The following TTC16 variants were observed in gnomAD, a reference collection of about 807,000 sequenced individuals.
TTC16 encodes tetratricopeptide repeat protein 16.
Under a neutral mutation model 80.4 loss-of-function variants are expected in TTC16, and 66 were observed. That is an observed-to-expected ratio of 0.82 (90% CI 0.67 to 1.01). TTC16 has a LOEUF of 1.01. Among genes scored for constraint, TTC16 ranks in the 50% least tolerant of loss-of-function variants. The pLI, the probability that TTC16 is intolerant of heterozygous loss-of-function variation, is 0.00. For synonymous variants in TTC16, 438 were observed against 451.3 expected (o/e 0.97, Z 0.37); for missense variants, 1,070 against 1,103.2 (o/e 0.97, Z 0.43).
rs754658863 is a variant in TTC16 at position 127,727,132 on chromosome 9, G to A, written c.1568+20G>A. On this transcript the variant is annotated intron_variant, in intron 11 of 13. Transcript: ENST00000373289. ...TGTGGGGTAAGCCCTGGAGCAAGGGGCACAGGCCAGGGCTGGGGAATGGCT... is the reference window on the plus strand; with the variant it reads ...TGTGGGGTAAGCCCTGGAGCAAGGGACACAGGCCAGGGCTGGGGAATGGCT... The A allele has an allele frequency of 1.4e-4, 218 of 1,572,858 alleles. No homozygotes were observed. Among genetic ancestry groups the A allele is most frequent in the Non-Finnish European group, 1.8e-4 (212 of 1,158,222 alleles).
Position 127,716,917 on chromosome 9 carries a change from T to C in TTC16, c.92T>C (p.Ile31Thr). ...KPWVIPAPKGILQHIFGTSHV... is the reference protein window; with the variant it reads ...KPWVIPAPKGTLQHIFGTSHV... ...TGGGTGATTCCAGCCCCCAAAGGGA[T>C]CCTGCAGCACATCTTTGGGACCAGC... The change falls in exon 2 of 14, where the codon ATC (isoleucine) becomes ACC (threonine). Residue 31 changes from isoleucine to threonine, a missense_variant. By Grantham distance (89) the Ile-to-Thr change is moderately conservative. Coordinates refer to ENST00000373289, the MANE Select transcript of TTC16 (RefSeq NM_144965.3). 1 of 1,614,018 alleles carries C rather than the reference T, an allele frequency of 6.2e-7. No homozygotes were observed. The highest frequency in any genetic ancestry group is 1.1e-5 in the South Asian group (1 of 91,070).
intron 9 of TTC16, among the ~76,000 whole-genome samples, chr9:127,725,621 A>G (rs1283673762): frequency 7.0e-6 from 1 of 142,872 alleles, no homozygotes; most frequent in Non-Finnish European, 1.5e-5. Context: ...TTTTTTTTAG[A>G]TGGAGTCTCA....
At position 127,727,280 on chromosome 9, in the gene TTC16, C is replaced by T. The variant is rs570570464; in HGVS notation, c.1579C>T (p.Arg527Trp). 21 of 1,562,990 alleles carry T rather than the reference C, an allele frequency of 1.3e-5. No homozygotes were observed. The highest frequency in any genetic ancestry group is 1.2e-4 in the South Asian group (10 of 85,268). Residue 527 changes from arginine to tryptophan, a missense_variant, in exon 12 of 14, where the codon CGG (arginine) becomes TGG (tryptophan). Transcript: ENST00000373289. Reference protein sequence around the residue: ...SPQGIVGMLKRHELERQKALA... With the variant: ...SPQGIVGMLKWHELERQKALA... ...GGTATCGTTTGGCAGGATGCTTAAACGGCACGAGTTGGAGCGCCAGAAGGC... is the reference window on the plus strand; with the variant it reads ...GGTATCGTTTGGCAGGATGCTTAAATGGCACGAGTTGGAGCGCCAGAAGGC...
In TTC16 at chr9:127,726,517, G is replaced by C. The variant is rs1034104189; in HGVS notation, c.1425+113G>C. On this transcript the variant is annotated intron_variant, in intron 10 of 13. Transcript: ENST00000373289. ...GATAACAATCATAAGGCCAGGCATG[G>C]TGGGTCATGCCTGTAATCCCAGCAC... 5 of 1,234,046 alleles carry C rather than the reference G, an allele frequency of 4.1e-6. No homozygotes were observed. The Admixed American group carries it at 1.2e-4, about 30-fold the overall frequency. 76.4% of individuals were successfully genotyped at this position (1,234,046 alleles called of 1,614,324 possible).
Position 127,722,622 on chromosome 9 carries a change from T to C in TTC16, c.658-497T>C, listed in dbSNP as rs1163342112. On this transcript the variant is annotated intron_variant, in intron 6 of 13. Transcript: ENST00000373289. This position sits in a 1 kb window ranked among gnomAD's most constrained non-coding sequence, Gnocchi z 4.2. ...GGAAAGGGCCAGCTGGCATGGGGCC[T>C]GGGATGGAATTTCTCCACGATGCTC... Among the ~76,000 whole-genome samples the C allele has an allele frequency of 6.6e-6, 1 of 152,110 alleles. No homozygotes were observed. The highest frequency in any genetic ancestry group is 1.5e-5 in the Non-Finnish European group (1 of 68,022).
chr9:127,729,046 C>T (rs1844188347), intron 12 of TTC16: 1 of 153,504 alleles, frequency 6.5e-6, no homozygotes, highest in Non-Finnish European at 1.4e-5. Context: ...TAGGTAGGGT[C>T]TGGCTGTGGC....
rs549895724 is a variant in TTC16 at position 127,730,844 on chromosome 9, C to T, written c.2061C>T (p.Pro687=). 1 of 1,613,650 alleles carries T rather than the reference C, an allele frequency of 6.2e-7. No homozygotes were observed. The change falls in exon 14 of 14, where the codon CCC becomes CCT. Residue 687 remains proline, a synonymous_variant. Coordinates refer to ENST00000373289, the MANE Select transcript of TTC16 (RefSeq NM_144965.3). ...GQRQSLSKTE[P]TQSQRRNSSK... is the part of the protein sequence containing the mutation. ...GGCAGAGCCTTAGCAAGACTGAGCC[C>T]ACCCAGAGCCAGAGGCGGAACTCCA...
intron 13 of TTC16, chr9:127,729,937 G>A: frequency 2.1e-6 from 1 of 465,256 alleles, no homozygotes. Context: ...CAAACCTTGT[G>A]CATGGCCAGG....
chr9:127,728,421 C>A (rs1404376310), intron 12 of TTC16: 1 of 152,270 alleles, frequency 6.6e-6, no homozygotes, highest in Middle Eastern at 3.4e-3. Context: ...TGTTCTACTG[C>A]TGGTAGACAT....
Position 127,717,707 on chromosome 9 carries a change from G to T in TTC16, c.361G>T (p.Ala121Ser), listed in dbSNP as rs1044939926. ...FSSAAQNLRRAYSLQQDNCKH... is the reference protein window; with the variant it reads ...FSSAAQNLRRSYSLQQDNCKH... Reference sequence around the variant, plus strand: ...CTCGGCCGCCCAGAACCTGCGAAGGGCCTACTCATTACAGCAGGACAACTG... The same window carrying T: ...CTCGGCCGCCCAGAACCTGCGAAGGTCCTACTCATTACAGCAGGACAACTG... Residue 121 changes from alanine (A) to serine (S), a missense_variant, in exon 4 of 14, where the codon GCC becomes TCC. Coordinates refer to ENST00000373289, the MANE Select transcript of TTC16 (RefSeq NM_144965.3). The T allele has an allele frequency of 1.9e-6, 3 of 1,613,862 alleles. No individual in the cohort carries two copies. The highest frequency in any genetic ancestry group is 2.7e-5 in the African/African-American group (2 of 74,936).
At position 127,731,565 on chromosome 9, in the gene TTC16, C is replaced by A; in HGVS notation, c.*160C>A. On this transcript the variant is annotated 3_prime_UTR_variant, in exon 14 of 14. Transcript: ENST00000373289. ...AGTTTATTATACTTGTTTTCTTTTA[C>A]AAAATTAAAAACATCTAAAACCAGG... The A allele has an allele frequency of 7.1e-7, 1 of 1,408,254 alleles. No individual in the cohort carries two copies. The highest frequency in any genetic ancestry group is 9.3e-7 in the Non-Finnish European group (1 of 1,078,576). The allele number at this position is 1,408,254 out of a possible 1,614,324, so 87.2% of individuals were successfully genotyped here.
At chr9:127,724,957 G>C in intron 9 of TTC16, 60 bp downstream of exon 9, 1 of 1,438,034 alleles carries the variant, frequency 7.0e-7, no homozygotes, top group Admixed American at 2.9e-5. Flanking sequence ...GCGGGCAGGA[G>C]GCCAACTGCT....
chr9:127,726,595 C>G (rs569656132), intron 10 of TTC16, among the ~76,000 whole-genome samples, 191 bp downstream of exon 10: 4 of 151,934 alleles, frequency 2.6e-5, no homozygotes, highest in African/African-American at 4.8e-5. Flanking sequence ...CGAGACCCAC[C>G]GGGCCAACAT....
Position 127,718,619 on chromosome 9 carries a change from G to A in TTC16, c.426+847G>A, listed in dbSNP as rs535877901. On this transcript the variant is annotated intron_variant, in intron 4 of 13. Coordinates refer to ENST00000373289, the MANE Select transcript of TTC16 (RefSeq NM_144965.3). This position sits in a 1 kb window ranked among gnomAD's most constrained non-coding sequence, Gnocchi z 4.6. Reference sequence around the variant, plus strand: ...ATGTCTTTTTTTTTTTTCTGAGATGGAGTCTTGCTCTGTCACCGAGGCTGG... The same window carrying A: ...ATGTCTTTTTTTTTTTTCTGAGATGAAGTCTTGCTCTGTCACCGAGGCTGG... Among the ~76,000 whole-genome samples the A allele has an allele frequency of 1.2e-4, 18 of 149,994 alleles. No individual in the cohort carries two copies. In the South Asian group the frequency reaches 3.8e-3, roughly 32 times the overall value.
intron 8 of TTC16, 40 bp from the exon 9 acceptor site, chr9:127,724,715 TG>T: frequency 6.3e-7 from 1 of 1,591,768 alleles, no homozygotes. Context: ...TCCCGGGCAC[TG>T]GGAGTTGGGG....
At chr9:127,720,052 G>A in intron 4 of TTC16, 26 bp from the exon 5 acceptor site, 1 of 1,610,552 alleles carries the variant, frequency 6.2e-7, no homozygotes, top group Non-Finnish European at 8.5e-7. Flanking sequence ...GTGGCAAGCA[G>A]AATTGACTGT....
Position 127,717,754 on chromosome 9 carries a change from C to T in TTC16, c.408C>T (p.Thr136=), listed in dbSNP as rs750427543. 1.9e-6 allele frequency: 3 copies of T among 1,613,572 alleles called. No homozygotes were observed. Among genetic ancestry groups the T allele is most frequent in the South Asian group, 1.1e-5 (1 of 91,080 alleles). The change falls in exon 4 of 14, where the codon ACC becomes ACT. Residue 136 remains threonine, a synonymous_variant. Transcript: ENST00000373289. The stretch of plus-strand genomic sequence containing the variant: ...ACTGCAAGCACCTGGAGCGCCTCAC[C>T]TTTGTGCTCTACCTACAGGTGCCTG... ...QDNCKHLERL[T]FVLYLQGQCL... is the part of the protein sequence containing the mutation.
At position 127,718,918 on chromosome 9, in the gene TTC16, A is replaced by C. The variant is rs1314445556; in HGVS notation, c.426+1146A>C. Among the ~76,000 whole-genome samples the C allele has an allele frequency of 1.3e-5, 2 of 151,076 alleles. No homozygotes were observed. The highest frequency in any genetic ancestry group is 4.9e-5 in the African/African-American group (2 of 41,230). On this transcript the variant is annotated intron_variant, in intron 4 of 13. Transcript: ENST00000373289. This position sits in a 1 kb window ranked among gnomAD's most constrained non-coding sequence, Gnocchi z 4.6. ...TGATGTCTTTTCTTTATGTCAAAAA[A>C]TATTCAGTTCTTGGCCGGGCACGGT...
rs749065817 is a variant in TTC16 at position 127,727,285 on chromosome 9, C to A, written c.1584C>A (p.His528Gln). Reference sequence around the variant, plus strand: ...CGTTTGGCAGGATGCTTAAACGGCACGAGTTGGAGCGCCAGAAGGCCTTGG... The same window carrying A: ...CGTTTGGCAGGATGCTTAAACGGCAAGAGTTGGAGCGCCAGAAGGCCTTGG... Reference protein sequence around the residue: ...PQGIVGMLKRHELERQKALAL... With the variant: ...PQGIVGMLKRQELERQKALAL... The change falls in exon 12 of 14, where the codon CAC becomes CAA. Residue 528 changes from histidine (H) to glutamine (Q), a missense_variant. His to Gln is a conservative substitution (Grantham distance 24, BLOSUM62 0). Transcript: ENST00000373289. The A allele has an allele frequency of 1.3e-6, 2 of 1,566,712 alleles. No individual in the cohort carries two copies.
Sources: gnomAD v4.1 joint callset for allele counts (sites outside exome capture counted in the v4.1 genomes callset) on GRCh38, gnomAD v4.1.1 for gene constraint, Gnocchi (gnomAD v3.1) non-coding constraint, MANE v1.5 for transcripts, NCBI Gene and HGNC (gene_info 2026-07-23, HGNC 2026-07-21) for gene names.